The following ABCA12 variants were observed in gnomAD, a reference collection of about 807,000 sequenced individuals.
ABCA12 encodes the protein glucosylceramide transporter ABCA12.
ABCA12 carries 156 observed loss-of-function variants against 293.5 expected under a neutral mutation model. That is an observed-to-expected ratio of 0.53 (90% CI 0.47 to 0.61). ABCA12 has a LOEUF of 0.61. Ranked by LOEUF, ABCA12 falls within the 20% of genes least tolerant of loss-of-function variation. The pLI, the probability that ABCA12 is intolerant of heterozygous loss-of-function variation, is 0.00. For synonymous variants in ABCA12, 1,063 were observed against 1,108.0 expected (o/e 0.96, Z 0.81); for missense variants, 2,797 against 3,090.2 (o/e 0.91, Z 2.25).
intron 8 of ABCA12, among the ~76,000 whole-genome samples, chr2:215,033,670 A>C (rs2106033048): frequency 6.6e-6 from 1 of 152,316 alleles, no homozygotes; most frequent in South Asian, 2.1e-4. Context: ...GGCCGGGCAC[A>C]GTGGCTCATG....
intron 2 of ABCA12, among the ~76,000 whole-genome samples, chr2:215,093,131 G>A (rs74518174): frequency 0.11 from 16,970 of 151,952 alleles, 1,284 homozygotes; most frequent in East Asian, 0.42. Context: ...AAGGGATATC[G>A]CATATCCCCC....
At chr2:215,106,813 G>A (rs1463936061) in intron 2 of ABCA12, among the ~76,000 whole-genome samples, 1 of 151,472 alleles carries the variant, frequency 6.6e-6, no homozygotes, top group African/African-American at 2.4e-5. Flanking sequence ...AAGCTGTTGA[G>A]TAACATCTGG....
intron 39 of ABCA12, chr2:214,962,927 A>G (rs1279387886): frequency 6.6e-6 from 1 of 152,184 alleles, no homozygotes; most frequent in South Asian, 2.1e-4. Context: ...TAGTGTTAAG[A>G]GGGAAATTTA....
chr2:214,977,909 CTA>C, intron 33 of ABCA12, among the ~76,000 whole-genome samples: 1 of 135,706 alleles, frequency 7.4e-6, no homozygotes, highest in South Asian at 2.4e-4. Flanking sequence ...TTTTTTATGA[CTA>C]TTGTCTCTAC....
intron 2 of ABCA12, among the ~76,000 whole-genome samples, chr2:215,081,479 A>AG (rs1701936327): frequency 1.2e-5 from 1 of 82,628 alleles, no homozygotes; most frequent in African/African-American, 6.6e-5. Context: ...ACTCTGTCTC[A>AG]AAAAAAAAAA....
Position 215,075,548 on chromosome 2 carries a change from T to C in ABCA12, c.164-11329A>G, listed in dbSNP as rs183089242. On this transcript the variant is annotated intron_variant, in intron 2 of 52. Transcript: ENST00000272895. ...AACCCTGTATCTTGAGTCAGTTTCC[T>C]CATTTATGCAGGAAAAAAAAAAAAT... 3.7e-5 allele frequency: 26 copies of C among 698,188 alleles called. No homozygotes were observed. The East Asian group carries it at 5.4e-4, about 14-fold the overall frequency. The allele number at this position is 698,188 out of a possible 1,614,324, so 43.2% of individuals were successfully genotyped here.
At position 214,968,663 on chromosome 2, in the gene ABCA12, C is replaced by T. The variant is rs1210417549; in HGVS notation, c.5778+57G>A. The T allele has an allele frequency of 8.6e-6, 13 of 1,512,448 alleles. No homozygotes were observed. In the East Asian group the frequency reaches 1.8e-4, roughly 21 times the overall value. The allele number at this position is 1,512,448 out of a possible 1,614,324, so 93.7% of individuals were successfully genotyped here. A position where few individuals can be genotyped will look rare whatever the true frequency, so the allele number is the denominator to read the frequency against. On this transcript the variant is annotated intron_variant, in intron 38 of 52. Transcript: ENST00000272895. Reference sequence around the variant, plus strand: ...TTTTCACTTCATGAAAATGATTAAACATATCAATTTCACCTTCTCATTTGT... The same window carrying T: ...TTTTCACTTCATGAAAATGATTAAATATATCAATTTCACCTTCTCATTTGT...
At chr2:214,941,515 T>C (rs1274814810) in intron 50 of ABCA12, among the ~76,000 whole-genome samples, 3 of 152,334 alleles carry the variant, frequency 2.0e-5, no homozygotes, top group South Asian at 2.1e-4. Context: ...GTTAATTTCC[T>C]GTCTTGTTGA....
Position 215,062,024 on chromosome 2 carries a change from T to G in ABCA12, c.317+2042A>C, listed in dbSNP as rs540333842. On this transcript the variant is annotated intron_variant, in intron 3 of 52. Transcript: ENST00000272895. ...ATATTAATTTTTCTCACAGCTCCTC[T>G]AATGCCTGGTTCACAAAATGTCTGT... Among the ~76,000 whole-genome samples the G allele has an allele frequency of 3.3e-5, 5 of 152,176 alleles. No individual in the cohort carries two copies. The South Asian group carries it at 1.0e-3, about 32-fold the overall frequency.
chr2:214,990,851 T>C lies in ABCA12; in HGVS notation c.3475A>G (p.Ile1159Val). 2 of 1,614,086 alleles carry C rather than the reference T, an allele frequency of 1.2e-6. No homozygotes were observed. The highest frequency in any genetic ancestry group is 1.7e-6 in the Non-Finnish European group (2 of 1,179,976). ...ACACTGATAAGATAGCTCATGGCAA[T>C]AACCGAGAAGCTGTAGTCCGAAAAA... is the stretch of plus-strand genomic sequence containing the variant. ...LYFSDYSFSV[I>V]AMSYLISVFF... Residue 1159 changes from isoleucine (I) to valine (V), a missense_variant, in exon 24 of 53, where the codon ATT becomes GTT. Physicochemically the swap from Ile to Val is conservative, Grantham distance 29. Transcript: ENST00000272895.
intron 1 of ABCA12, among the ~76,000 whole-genome samples, chr2:215,120,164 T>A (rs1013655157): frequency 2.0e-5 from 3 of 152,156 alleles, no homozygotes; most frequent in African/African-American, 7.2e-5. Flanking sequence ...AGCAAATTAA[T>A]GTAAGAACAG....
At chr2:215,013,709 G>A (rs11896277) in intron 15 of ABCA12, 37,795 of 153,896 alleles carry the variant, frequency 0.25, 8,571 homozygotes, top group African/African-American at 0.6. Context: ...AGTAATAATA[G>A]TAATTTCATG....
intron 45 of ABCA12, among the ~76,000 whole-genome samples, chr2:214,950,382 A>G (rs4673922): frequency 8.1e-6 from 1 of 122,800 alleles, no homozygotes; most frequent in Non-Finnish European, 1.7e-5. Flanking sequence ...GTATATATAT[A>G]TCTGTGTGTG....
intron 41 of ABCA12, among the ~76,000 whole-genome samples, chr2:214,957,610 G>A (rs145613772): frequency 6.4e-4 from 97 of 152,244 alleles, no homozygotes; most frequent in African/African-American, 2.0e-3. Context: ...CCTTTAAGCC[G>A]ATGATCTTGA....
At chr2:215,028,260 C>T (rs1399844252) in intron 9 of ABCA12, among the ~76,000 whole-genome samples, 1 of 152,132 alleles carries the variant, frequency 6.6e-6, no homozygotes, top group African/African-American at 2.4e-5. Context: ...TTAAAGAAGA[C>T]TCAGGGTGTT....
Position 215,138,217 on chromosome 2 carries a change from T to G in ABCA12, c.-9A>C. ...TGAAACAGGGAAGCCATCCTTCAAA[T>G]GCCCCAAATGAGAGATTTCCTCTTC... On this transcript the variant is annotated 5_prime_UTR_variant, in exon 1 of 53. Transcript: ENST00000272895. The G allele has an allele frequency of 6.2e-7, 1 of 1,614,000 alleles. No individual in the cohort carries two copies. The highest frequency in any genetic ancestry group is 8.5e-7 in the Non-Finnish European group (1 of 1,179,956).
intron 2 of ABCA12, among the ~76,000 whole-genome samples, chr2:215,101,311 G>C (rs1702352163): frequency 6.6e-6 from 1 of 152,164 alleles, no homozygotes. Flanking sequence ...CAAACTTGAA[G>C]TAGCATAAGA....
At chr2:214,993,755 T>C (rs1699975967) in intron 23 of ABCA12, among the ~76,000 whole-genome samples, 1 of 152,210 alleles carries the variant, frequency 6.6e-6, no homozygotes, top group African/African-American at 2.4e-5. Flanking sequence ...GGCCACAAAA[T>C]AAAGCTGATG....
At chr2:215,094,791 C>G (rs1353470143) in intron 2 of ABCA12, among the ~76,000 whole-genome samples, 1 of 152,154 alleles carries the variant, frequency 6.6e-6, no homozygotes, top group Non-Finnish European at 1.5e-5. Flanking sequence ...ACCCAGTTGC[C>G]CCATCAATCC....
Sources: allele counts gnomAD v4.1 joint callset (sites outside exome capture counted in the v4.1 genomes callset), GRCh38; gene constraint gnomAD v4.1.1; transcripts MANE v1.5; gene names NCBI Gene and HGNC (gene_info 2026-07-23, HGNC 2026-07-21).